The following PIK3R4 variants were observed in gnomAD, a reference collection of about 807,000 sequenced individuals.
The protein encoded by PIK3R4 is phosphoinositide-3-kinase regulatory subunit 4, also known as phosphoinositide 3-kinase regulatory subunit 4.
A neutral mutation model predicts 136.5 loss-of-function variants in PIK3R4; 46 were observed. The observed-to-expected ratio is 0.34, with a 90% CI of 0.27 to 0.43. PIK3R4 has a LOEUF of 0.43. Among genes scored for constraint, PIK3R4 ranks in the 20% least tolerant of loss-of-function variants. PIK3R4 has a pLI of 1.00. For missense variants in PIK3R4, 1,331 were observed against 1,649.5 expected (o/e 0.81, Z 3.35); for synonymous variants, 557 against 566.7 (o/e 0.98, Z 0.24).
At chr3:130,725,277 A>G (rs1212002686) in intron 6 of PIK3R4, among the ~76,000 whole-genome samples, 2 of 151,954 alleles carry the variant, frequency 1.3e-5, no homozygotes, top group African/African-American at 4.8e-5. Flanking sequence ...AGAAAAATCA[A>G]TGGAACAGAC....
chr3:130,704,790 G>C (rs538563200), intron 12 of PIK3R4, among the ~76,000 whole-genome samples: 137 of 151,704 alleles, frequency 9.0e-4, no homozygotes, highest in Non-Finnish European at 1.5e-3. Flanking sequence ...TAAGGCGTAG[G>C]GTTAGAGGTG....
At chr3:130,694,308 G>T (rs746735402) in intron 13 of PIK3R4, among the ~76,000 whole-genome samples, 28 of 150,544 alleles carry the variant, frequency 1.9e-4, no homozygotes, top group Non-Finnish European at 3.6e-4. Flanking sequence ...TCGATTTCAG[G>T]GAAAAAAAAA....
At chr3:130,694,950 T>G (rs887769968) in intron 13 of PIK3R4, among the ~76,000 whole-genome samples, 1 of 152,162 alleles carries the variant, frequency 6.6e-6, no homozygotes, top group Non-Finnish European at 1.5e-5. Flanking sequence ...TCATTTTCTA[T>G]TACTAACTGG....
intron 7 of PIK3R4, among the ~76,000 whole-genome samples, 172 bp from the exon 8 acceptor site, chr3:130,718,706 GTTA>G (rs1481650874): frequency 2.6e-5 from 4 of 152,136 alleles, no homozygotes; most frequent in Non-Finnish European, 5.9e-5. Context: ...TGGACACACT[GTTA>G]TTATAATATT....
chr3:130,697,336 T>G (rs1477487155), intron 13 of PIK3R4, among the ~76,000 whole-genome samples: 1 of 152,168 alleles, frequency 6.6e-6, no homozygotes, highest in Non-Finnish European at 1.5e-5. Flanking sequence ...CCTCCCAAAG[T>G]GCTTGGGATT....
intron 13 of PIK3R4, among the ~76,000 whole-genome samples, chr3:130,692,637 T>C (rs935874004): frequency 4.6e-5 from 7 of 152,248 alleles, no homozygotes; most frequent in Admixed American, 6.5e-5. Flanking sequence ...CTTTTGGCTA[T>C]TATGAATAAC....
chr3:130,738,275 A>C, intron 2 of PIK3R4, among the ~76,000 whole-genome samples: 1 of 152,246 alleles, frequency 6.6e-6, no homozygotes, highest in East Asian at 1.9e-4. Flanking sequence ...TATGAAGTTC[A>C]ATAAGTTAGG....
chr3:130,724,697 T>C (rs2066722251), intron 6 of PIK3R4, among the ~76,000 whole-genome samples: 1 of 152,018 alleles, frequency 6.6e-6, no homozygotes, highest in South Asian at 2.1e-4. Flanking sequence ...ATAGATTTAA[T>C]TACTTAAAGT....
Position 130,705,558 on chromosome 3 carries a change from T to C in PIK3R4, c.2932+3A>G. The C allele has an allele frequency of 6.2e-7, 1 of 1,601,954 alleles. No individual in the cohort carries two copies. Among genetic ancestry groups the C allele is most frequent in the Non-Finnish European group, 8.6e-7 (1 of 1,169,256 alleles). ...TACAACTACTTATCAACGGAACTTT[T>C]ACCAGGTGGTGGTGGTTTACTCTCC... On this transcript the variant is annotated splice_donor_region_variant and intron_variant, in intron 12 of 19. Transcript: ENST00000356763.
In PIK3R4 at chr3:130,733,768, A is replaced by G. The variant is rs750491122; in HGVS notation, c.1230T>C (p.Ser410=). The G allele has an allele frequency of 6.2e-7, 1 of 1,614,196 alleles. No homozygotes were observed. Among genetic ancestry groups the G allele is most frequent in the South Asian group, 1.1e-5 (1 of 91,082 alleles). ...ELILHLAPRL[S]VEILLDRITP... is the part of the protein sequence containing the mutation. ...TAATACGATCCAAAAGGATTTCAAC[A>G]CTTAATCTTGGAGCCAAATGAAGAA... is the stretch of plus-strand genomic sequence containing the variant. The change falls in exon 4 of 20, where the codon AGT becomes AGC. Residue 410 remains serine (S), a synonymous_variant. Coordinates refer to ENST00000356763, the MANE Select transcript of PIK3R4 (RefSeq NM_014602.3).
At position 130,744,871 on chromosome 3, in the gene PIK3R4, G is replaced by C. The variant is rs1291791143; in HGVS notation, c.348C>G (p.Thr116=). The C allele has an allele frequency of 6.2e-7, 1 of 1,614,068 alleles. No individual in the cohort carries two copies. The highest frequency in any genetic ancestry group is 1.3e-5 in the African/African-American group (1 of 74,902). The change falls in exon 2 of 20, where the codon ACC becomes ACG. Residue 116 remains threonine (T), a synonymous_variant. Transcript: ENST00000356763. ...VRDNLYDRIS[T]RPFLNNIEKR... ...TCTCAATGTTATTCAAGAATGGACG[G>C]GTACTGATGCGATCATAGAGATTGT...
At chr3:130,716,306 A>G in intron 9 of PIK3R4, 90 bp downstream of exon 9, 1 of 1,002,616 alleles carries the variant, frequency 1.0e-6, no homozygotes, top group South Asian at 1.5e-5. Flanking sequence ...TAATCTAATC[A>G]ATCAAAAACA....
intron 11 of PIK3R4, among the ~76,000 whole-genome samples, chr3:130,706,211 GATC>G (rs10532607): frequency 0.2 from 31,112 of 151,918 alleles, 3,394 homozygotes; most frequent in South Asian, 0.36. Flanking sequence ...CCAAAAAGCA[GATC>G]ATAAGTTGAA....
chr3:130,694,103 T>C (rs1410581741), intron 13 of PIK3R4, among the ~76,000 whole-genome samples: 1 of 152,138 alleles, frequency 6.6e-6, no homozygotes, highest in Non-Finnish European at 1.5e-5. Flanking sequence ...CATGAATATA[T>C]GACACAGACA....
At chr3:130,691,377 T>C (rs528163852) in intron 13 of PIK3R4, among the ~76,000 whole-genome samples, 2 of 152,302 alleles carry the variant, frequency 1.3e-5, no homozygotes, top group South Asian at 2.1e-4. Flanking sequence ...AACCGGACCA[T>C]AGGGAAAATC....
At chr3:130,723,001 T>C (rs568761019) in intron 7 of PIK3R4, among the ~76,000 whole-genome samples, 1 of 117,836 alleles carries the variant, frequency 8.5e-6, no homozygotes, top group South Asian at 2.9e-4. Flanking sequence ...GAGGTGGAGG[T>C]TGCAGTGAGC....
At chr3:130,690,954 T>C (rs1418705369) in intron 13 of PIK3R4, among the ~76,000 whole-genome samples, 2 of 148,842 alleles carry the variant, frequency 1.3e-5, no homozygotes, top group African/African-American at 5.0e-5. Flanking sequence ...TGGAGTGTAG[T>C]GGCCAGTGGT....
rs1359441712 is a variant in PIK3R4 at position 130,736,014 on chromosome 3, C to G, written c.734-12G>C. On this transcript the variant is annotated splice_polypyrimidine_tract_variant and intron_variant, in intron 2 of 19. Coordinates refer to ENST00000356763, the MANE Select transcript of PIK3R4 (RefSeq NM_014602.3). The stretch of plus-strand genomic sequence containing the variant: ...AGCTATCACACAACCTGAAAAATAG[C>G]AGGTATAATTCTGTTAGAAAAGAGA... 1 of 1,598,272 alleles carries G rather than the reference C, an allele frequency of 6.3e-7. No homozygotes were observed. Among genetic ancestry groups the G allele is most frequent in the South Asian group, 1.1e-5 (1 of 89,080 alleles).
rs779551022 is a variant in PIK3R4 at position 130,746,489 on chromosome 3, C to G, written c.-218G>C. On this transcript the variant is annotated 5_prime_UTR_variant, in exon 1 of 20. Transcript: ENST00000356763. ...TTGGTGGAGGGGCGCAGAAAAGTCC[C>G]GATCTTCAGGAACCCCGGTGGTCCT... 5 of 152,178 alleles carry G rather than the reference C, an allele frequency of 3.3e-5. No homozygotes were observed. Among genetic ancestry groups the G allele is most frequent in the African/African-American group, 4.8e-5 (2 of 41,390 alleles). 9.4% of individuals were successfully genotyped at this position (152,178 alleles called of 1,614,324 possible). A position where few individuals can be genotyped will look rare whatever the true frequency, so the allele number is the denominator to read the frequency against.
Sources: allele counts gnomAD v4.1 joint callset (sites outside exome capture counted in the v4.1 genomes callset), GRCh38; gene constraint gnomAD v4.1.1; transcripts MANE v1.5; gene names NCBI Gene and HGNC (gene_info 2026-07-23, HGNC 2026-07-21).